Variants in SLIT2 observed in about 807,000 individuals in gnomAD.
SLIT2 encodes slit guidance ligand 2.
Under a neutral mutation model 185.7 loss-of-function variants are expected in SLIT2, and 41 were observed. That is an observed-to-expected ratio of 0.22 (90% confidence interval 0.17 to 0.29). The LOEUF is 0.29. SLIT2 is among the 10% of genes least tolerant of loss of function. SLIT2 has a pLI of 1.00. For missense variants in SLIT2, 1,571 were observed against 1,909.0 expected (o/e 0.82, Z 3.30); for synonymous variants, 693 against 680.2 (o/e 1.02, Z -0.29).
chr4:20,419,893 G>A (rs1321148017), intron 4 of SLIT2, among the ~76,000 whole-genome samples: 7 of 151,946 alleles, frequency 4.6e-5, no homozygotes, highest in East Asian at 1.9e-4. Flanking sequence ...ATTTCCTTGC[G>A]CCTATGTCTA....
At chr4:20,480,920 G>T in intron 6 of SLIT2, 133 bp downstream of exon 6, 1 of 680,768 alleles carries the variant, frequency 1.5e-6, no homozygotes, top group South Asian at 1.8e-5. Flanking sequence ...AATAACTCAT[G>T]GTGAATACAG....
In SLIT2 at chr4:20,513,425, G is replaced by C. The variant is rs575387002; in HGVS notation, c.1058+2288G>C. Among the ~76,000 whole-genome samples, 5 of 152,278 alleles carry C rather than the reference G, an allele frequency of 3.3e-5. No individual in the cohort carries two copies. The South Asian group carries it at 1.0e-3, about 32-fold the overall frequency. On this transcript the variant is annotated intron_variant, in intron 11 of 36. Transcript: ENST00000504154. ...TCACAGTTTGAGTTCACTTTCCAAA[G>C]ATTAAGTTATTTTCCCCTCCATAAA... is the stretch of plus-strand genomic sequence containing the variant.
At chr4:20,428,755 C>T (rs911434598) in intron 4 of SLIT2, among the ~76,000 whole-genome samples, 12 of 152,144 alleles carry the variant, frequency 7.9e-5, no homozygotes, top group African/African-American at 2.9e-4. Context: ...TTCCATTAAA[C>T]AAGGGCTTCC....
At chr4:20,497,770 A>G (rs1718354862) in intron 9 of SLIT2, among the ~76,000 whole-genome samples, 1 of 152,078 alleles carries the variant, frequency 6.6e-6, no homozygotes, top group Non-Finnish European at 1.5e-5. Flanking sequence ...CTGCCCCAAT[A>G]CTTAGCATAC....
At chr4:20,333,868 G>A (rs1205889796) in intron 4 of SLIT2, among the ~76,000 whole-genome samples, 4 of 152,126 alleles carry the variant, frequency 2.6e-5, no homozygotes, top group African/African-American at 9.7e-5. Context: ...AACTTTATTA[G>A]GGACTAGTTA....
chr4:20,372,943 T>G (rs1312318082), intron 4 of SLIT2, among the ~76,000 whole-genome samples: 1 of 152,130 alleles, frequency 6.6e-6, no homozygotes, highest in Non-Finnish European at 1.5e-5. Flanking sequence ...CCAACAGATA[T>G]GAGCATCATG....
intron 4 of SLIT2, among the ~76,000 whole-genome samples, chr4:20,344,086 T>C (rs1721187008): frequency 6.6e-6 from 1 of 152,152 alleles, no homozygotes; most frequent in African/African-American, 2.4e-5. Flanking sequence ...CCTGACCTTG[T>C]GATCCACTCA....
chr4:20,298,427 T>C (rs954562416), intron 4 of SLIT2, among the ~76,000 whole-genome samples: 1 of 152,194 alleles, frequency 6.6e-6, no homozygotes, highest in Non-Finnish European at 1.5e-5. Context: ...AATGGTCTTA[T>C]AGGAATTTCC....
chr4:20,327,661 A>C (rs1719711580), intron 4 of SLIT2, among the ~76,000 whole-genome samples: 1 of 152,046 alleles, frequency 6.6e-6, no homozygotes. Flanking sequence ...TCTTATGTGA[A>C]GTGATAAAAT....
intron 31 of SLIT2, among the ~76,000 whole-genome samples, chr4:20,596,060 A>C (rs1046223720): frequency 2.6e-5 from 4 of 152,210 alleles, no homozygotes; most frequent in Admixed American, 6.5e-5. Flanking sequence ...CCCCATAAAT[A>C]TATACACTTA....
chr4:20,336,358 A>T (rs1030298864), intron 4 of SLIT2, among the ~76,000 whole-genome samples: 1 of 152,234 alleles, frequency 6.6e-6, no homozygotes, highest in Non-Finnish European at 1.5e-5. Flanking sequence ...GCCATAAAAA[A>T]GGATGAGTTC....
intron 12 of SLIT2, among the ~76,000 whole-genome samples, chr4:20,520,342 A>T (rs1159539000): frequency 6.6e-6 from 1 of 152,240 alleles, no homozygotes; most frequent in African/African-American, 2.4e-5. Flanking sequence ...GTTGGAAAAA[A>T]ATGCAAATAT....
rs761808596 is a variant in SLIT2, at chr4:20,510,550, A to G, written c.970A>G (p.Lys324Glu). The G allele has an allele frequency of 6.2e-7, 1 of 1,606,102 alleles. No individual in the cohort carries two copies. The highest frequency in any genetic ancestry group is 8.5e-7 in the Non-Finnish European group (1 of 1,173,190). The change falls in exon 10 of 37, where the codon AAA becomes GAA. Residue 324 changes from lysine (K) to glutamate (E), a missense_variant. Lys to Glu is a moderately conservative substitution (Grantham distance 56, BLOSUM62 1). Coordinates refer to ENST00000504154, the MANE Select transcript of SLIT2 (RefSeq NM_004787.4). The part of the protein sequence containing the change: ...VIPPGAFSPY[K>E]KLRRIDLSNN... ...CCCTCCTGGAGCTTTCTCACCATAT[A>G]AAAAGCTTAGACGAATGTGAGTGAA...
At chr4:20,291,480 ATATATATATATATTTTTTTTTTTTTTTTT>A (rs1426111640) in intron 4 of SLIT2, among the ~76,000 whole-genome samples, 432 of 13,880 alleles carry the variant, frequency 0.031, 2 homozygotes, top group Middle Eastern at 0.091. Flanking sequence ...ATATATATAT[ATATATATATATATTTTTTTTTTTTTTTTT>A]TTTTTTTTTT....
At chr4:20,267,640 A>C (rs983263015) in intron 3 of SLIT2, among the ~76,000 whole-genome samples, 1 of 151,868 alleles carries the variant, frequency 6.6e-6, no homozygotes, top group Non-Finnish European at 1.5e-5. Flanking sequence ...TAATTCTTAG[A>C]AAGGTCTTCT....
At chr4:20,522,606 CA>C (rs1720931885) in intron 12 of SLIT2, among the ~76,000 whole-genome samples, 1 of 152,000 alleles carries the variant, frequency 6.6e-6, no homozygotes, top group South Asian at 2.1e-4. Flanking sequence ...AGCTCACACA[CA>C]GTCACATCAC....
intron 14 of SLIT2, 40 bp downstream of exon 14, chr4:20,524,217 A>T (rs769347879): frequency 6.3e-7 from 1 of 1,595,596 alleles, no homozygotes; most frequent in Non-Finnish European, 8.6e-7. Flanking sequence ...GACCAACAAC[A>T]ATGGTTACAT....
intron 29 of SLIT2, among the ~76,000 whole-genome samples, chr4:20,577,774 A>C (rs931377806): frequency 6.6e-6 from 1 of 152,224 alleles, no homozygotes; most frequent in Admixed American, 6.5e-5. Flanking sequence ...TGTTTCTATA[A>C]ATAAAGAACA....
chr4:20,271,604 G>T (rs59715782), intron 4 of SLIT2, among the ~76,000 whole-genome samples: 1 of 148,918 alleles, frequency 6.7e-6, no homozygotes, highest in African/African-American at 2.5e-5. Flanking sequence ...CTCTGTATAG[G>T]TTGTTCCGAG....
Sources: gnomAD v4.1 joint callset for allele counts (sites outside exome capture counted in the v4.1 genomes callset) on GRCh38, gnomAD v4.1.1 for gene constraint, MANE v1.5 for transcripts, NCBI Gene and HGNC (gene_info 2026-07-23, HGNC 2026-07-21) for gene names.